The following ZNF232 variants were observed in gnomAD, a reference collection of about 807,000 sequenced individuals.
ZNF232 encodes zinc finger protein 232, also known as zinc finger and SCAN domain-containing protein 11.
Under a neutral mutation model 25.2 loss-of-function variants are expected in ZNF232, and 25 were observed. The observed-to-expected ratio is 0.99, with a 90% CI of 0.72 to 1.39. The LOEUF (loss-of-function observed/expected upper bound fraction) is 1.39. Among genes scored for constraint, ZNF232 ranks in the 40% most tolerant of loss-of-function variants. ZNF232 has a pLI of 0.00. For synonymous variants in ZNF232, 193 were observed against 182.9 expected (o/e 1.06, Z -0.45); for missense variants, 519 against 520.9 (o/e 1.00, Z 0.04).
chr17:5,106,059 GC>G lies in ZNF232; in HGVS notation c.1072del (p.Ala358ProfsTer36). 1.9e-6 allele frequency: 3 copies of G among 1,614,148 alleles called. No homozygotes were observed. Among genetic ancestry groups the G allele is most frequent in the Non-Finnish European group, 2.5e-6 (3 of 1,180,016 alleles). Reference sequence around the variant, plus strand: ...AACAAGATGAGCACCCCATCTGAAGGCCTTCCCACATTCATTACATTCGAAG... The same window carrying G: ...AACAAGATGAGCACCCCATCTGAAGGCTTCCCACATTCATTACATTCGAAG... On this transcript the variant is annotated frameshift_variant, in exon 4 of 4. Transcript: ENST00000575898. LOFTEE classifies it low-confidence loss of function (END_TRUNC).
intron 1 of ZNF232, among the ~76,000 whole-genome samples, chr17:5,120,309 G>A (rs1189997746): frequency 6.6e-6 from 1 of 152,158 alleles, no homozygotes; most frequent in Non-Finnish European, 1.5e-5. Flanking sequence ...TCAGGGCAGT[G>A]AGTGAGGTCG....
Position 5,109,710 on chromosome 17 carries a change from CA to C in ZNF232, c.181del (p.Cys61ValfsTer37). 6.2e-7 allele frequency: 1 copy of C among 1,614,180 alleles called. No homozygotes were observed. Among genetic ancestry groups the C allele is most frequent in the Non-Finnish European group, 8.5e-7 (1 of 1,180,044 alleles). ...CCCAGGTAGCCTGGTCTCATACTCACAAGACTGTTCCTCTTCCTTTGGTCCC... is the reference window on the plus strand; with the variant it reads ...CCCAGGTAGCCTGGTCTCATACTCACAGACTGTTCCTCTTCCTTTGGTCCC... On this transcript the variant is annotated frameshift_variant, in exon 2 of 4. Transcript: ENST00000575898. LOFTEE classifies it high-confidence loss of function.
chr17:5,110,234 C>T (rs2072369731), intron 1 of ZNF232, among the ~76,000 whole-genome samples: 1 of 152,132 alleles, frequency 6.6e-6, no homozygotes, highest in South Asian at 2.1e-4. Flanking sequence ...ATATACTCAA[C>T]ACTCCAAAGA....
At chr17:5,108,765 G>T in intron 3 of ZNF232, 161 bp downstream of exon 3, 1 of 1,159,152 alleles carries the variant, frequency 8.6e-7, no homozygotes. Context: ...TATGAGTGAT[G>T]AAACAGGCAA....
intron 1 of ZNF232, 98 bp downstream of exon 1, chr17:5,111,702 C>T: frequency 6.3e-7 from 1 of 1,591,194 alleles, no homozygotes; most frequent in Middle Eastern, 1.7e-4. Flanking sequence ...CGCGGAGCTG[C>T]CTGCCAGGCC....
At chr17:5,117,931 C>T (rs978373081) in intron 1 of ZNF232, among the ~76,000 whole-genome samples, 2 of 151,828 alleles carry the variant, frequency 1.3e-5, no homozygotes, top group African/African-American at 4.8e-5. Flanking sequence ...TACTGGCATG[C>T]ACCTGTAATC....
chr17:5,109,701 T>G (rs1205483839), exon 2 of ZNF232: 2 of 1,614,164 alleles, frequency 1.2e-6, no homozygotes, highest in East Asian at 2.2e-5. Context: ...TAGCCTGGTC[T>G]CATACTCACA....
At chr17:5,112,715 G>A (rs2143638558), upstream of ZNF232, among the ~76,000 whole-genome samples, 1 of 151,978 alleles carries the variant, frequency 6.6e-6, no homozygotes, top group East Asian at 1.9e-4. Flanking sequence ...GCCTCCCAAA[G>A]TGCTGGGTTT....
exon 2 of ZNF232, chr17:5,109,849 T>C: frequency 6.2e-7 from 1 of 1,608,544 alleles, no homozygotes; most frequent in South Asian, 1.1e-5. Context: ...TCATACCAGC[T>C]GGAATCTTGC....
At chr17:5,111,758 A>C in intron 1 of ZNF232, 42 bp downstream of exon 1, 9 of 1,613,420 alleles carry the variant, frequency 5.6e-6, no homozygotes, top group Non-Finnish European at 7.6e-6. Flanking sequence ...GCAAAAGCCA[A>C]GCCGCCAGGT....
Position 5,111,781 on chromosome 17 carries a change from A to AGCC in ZNF232, c.23+16_23+18dup. Reference sequence around the variant, plus strand: ...CAAGCCGCCAGGTGGACCTCGGGGAAGCCGCCGCCAACACTCACCTCACAG... The same window carrying AGCC: ...CAAGCCGCCAGGTGGACCTCGGGGAAGCCGCCGCCGCCAACACTCACCTCACAG... On this transcript the variant is annotated intron_variant, in intron 1 of 3. Transcript: ENST00000575898. The AGCC allele has an allele frequency of 1.2e-6, 2 of 1,613,758 alleles. No individual in the cohort carries two copies. The highest frequency in any genetic ancestry group is 1.7e-6 in the Non-Finnish European group (2 of 1,179,862).
At chr17:5,122,395 T>G (rs1259895677) in intron 1 of ZNF232, among the ~76,000 whole-genome samples, 1 of 152,008 alleles carries the variant, frequency 6.6e-6, no homozygotes. Flanking sequence ...GTGGGAAGGG[T>G]GATCAGGCCT....
chr17:5,108,848 C>T (rs980232718), intron 3 of ZNF232, 78 bp downstream of exon 3: 6 of 1,600,512 alleles, frequency 3.7e-6, no homozygotes, highest in Middle Eastern at 1.7e-4. Flanking sequence ...CTACTATTTA[C>T]CCTTTACAGG....
chr17:5,122,219 G>C (rs1413474396), intron 1 of ZNF232, among the ~76,000 whole-genome samples: 1 of 152,016 alleles, frequency 6.6e-6, no homozygotes, highest in Non-Finnish European at 1.5e-5. Flanking sequence ...TGGATGCCTG[G>C]ATCTCAGGGT....
At chr17:5,107,842 T>A (rs1315269306) in intron 3 of ZNF232, among the ~76,000 whole-genome samples, 2 of 152,174 alleles carry the variant, frequency 1.3e-5, no homozygotes, top group Non-Finnish European at 2.9e-5. Context: ...GCCAAGATCA[T>A]TTGATTTTTT....
chr17:5,109,981 C>CG, intron 1 of ZNF232, 113 bp from the exon 2 acceptor site: 2 of 1,077,746 alleles, frequency 1.9e-6, no homozygotes, highest in East Asian at 2.6e-5. Context: ...CCTCCACCCC[C>CG]GGGGTTCTAG....
At chr17:5,105,853 C>T in exon 4 of ZNF232, 1 of 1,603,500 alleles carries the variant, frequency 6.2e-7, no homozygotes, top group Admixed American at 1.7e-5. Context: ...CTGGCATGAA[C>T]TCTCCGATGT....
intron 1 of ZNF232, among the ~76,000 whole-genome samples, chr17:5,122,323 G>T (rs938354978): frequency 6.6e-6 from 1 of 152,170 alleles, no homozygotes; most frequent in Non-Finnish European, 1.5e-5. Context: ...CGATGACTGT[G>T]TGAGTGGTGA....
chr17:5,109,702 C>T, exon 2 of ZNF232: 2 of 1,614,182 alleles, frequency 1.2e-6, no homozygotes, highest in Non-Finnish European at 1.7e-6. Flanking sequence ...AGCCTGGTCT[C>T]ATACTCACAA....
Sources: allele counts gnomAD v4.1 joint callset (sites outside exome capture counted in the v4.1 genomes callset), GRCh38; gene constraint gnomAD v4.1.1; transcripts MANE v1.5; gene names NCBI Gene and HGNC (gene_info 2026-07-23, HGNC 2026-07-21).